Variants in CDH4 observed in about 807,000 individuals in gnomAD.
CDH4 encodes cadherin 4.
A neutral mutation model predicts 86.0 loss-of-function variants in CDH4; 33 were observed. The observed-to-expected ratio is 0.38, with a 90% CI of 0.29 to 0.51. The LOEUF (loss-of-function observed/expected upper bound fraction) is 0.51. CDH4 is among the 20% of genes least tolerant of loss of function. The probability of loss-of-function intolerance (pLI) is 0.86; values close to 1 mark genes in which losing one functional copy is unlikely to be tolerated. For synonymous variants in CDH4, 555 were observed against 549.4 expected, an observed-to-expected ratio of 1.01 and a Z score of -0.14; for missense variants, 1,114 against 1,307.4, an observed-to-expected ratio of 0.85 and a Z score of 2.28.
chr20:61,908,672 T>C (rs117562021), intron 8 of CDH4, among the ~76,000 whole-genome samples: 13,108 of 152,182 alleles, frequency 0.086, 769 homozygotes, highest in Non-Finnish European at 0.13. Flanking sequence ...GTGGTGGCCG[T>C]GGGACATCGC....
intron 3 of CDH4, among the ~76,000 whole-genome samples, chr20:61,765,374 G>A (rs200494662): frequency 7.2e-5 from 11 of 152,274 alleles, no homozygotes; most frequent in East Asian, 5.8e-4. Context: ...CTGTTCGACC[G>A]ATGGACCACC....
chr20:61,647,523 TA>T (rs1385257361), intron 2 of CDH4, among the ~76,000 whole-genome samples: 794 of 64,946 alleles, frequency 0.012, 127 homozygotes, highest in Admixed American at 0.022. Flanking sequence ...TGCACACACA[TA>T]TTCTCTCTCC....
At chr20:61,622,633 G>A (rs750922759) in intron 2 of CDH4, among the ~76,000 whole-genome samples, 20 of 152,238 alleles carry the variant, frequency 1.3e-4, no homozygotes, top group Admixed American at 7.9e-4. Flanking sequence ...AACAGAAAAC[G>A]TCAGTGACAG....
At chr20:61,378,083 A>C (rs763855601) in intron 2 of CDH4, among the ~76,000 whole-genome samples, 1 of 152,034 alleles carries the variant, frequency 6.6e-6, no homozygotes, top group East Asian at 1.9e-4. Flanking sequence ...CAAGACCCCC[A>C]TCTCTCTAAA....
chr20:61,319,630 A>G (rs1232894246), intron 2 of CDH4, among the ~76,000 whole-genome samples: 1 of 152,148 alleles, frequency 6.6e-6, no homozygotes, highest in Non-Finnish European at 1.5e-5. Flanking sequence ...TTCAAGGGAT[A>G]TAAAGTTTCA....
chr20:61,839,871 G>T (rs1311730217), intron 4 of CDH4, among the ~76,000 whole-genome samples: 1 of 151,398 alleles, frequency 6.6e-6, no homozygotes, highest in Non-Finnish European at 1.5e-5. Flanking sequence ...TGTGTATTGT[G>T]TGCTTGTGTG....
chr20:61,412,602 A>T (rs953033965), intron 2 of CDH4, among the ~76,000 whole-genome samples: 1 of 152,198 alleles, frequency 6.6e-6, no homozygotes, highest in African/African-American at 2.4e-5. Context: ...ATCCTGAGAC[A>T]TAGTTAGATC....
chr20:61,406,153 G>A (rs935368005), intron 2 of CDH4, among the ~76,000 whole-genome samples: 2 of 152,138 alleles, frequency 1.3e-5, no homozygotes, highest in African/African-American at 4.8e-5. Context: ...GATTTTTCAG[G>A]ATCCCGAAAG....
chr20:61,405,863 G>A (rs1295749051), intron 2 of CDH4, among the ~76,000 whole-genome samples: 1 of 152,106 alleles, frequency 6.6e-6, no homozygotes, highest in African/African-American at 2.4e-5. Flanking sequence ...TGTATTTTTA[G>A]TAGAGACGGG....
chr20:61,401,755 G>A (rs2085050715), intron 2 of CDH4, among the ~76,000 whole-genome samples: 2 of 152,298 alleles, frequency 1.3e-5, no homozygotes, highest in African/African-American at 4.8e-5. Context: ...TTTGGCCAGG[G>A]AGTAAATACA....
intron 3 of CDH4, among the ~76,000 whole-genome samples, chr20:61,756,236 T>C (rs1177255475): frequency 6.6e-6 from 1 of 151,982 alleles, no homozygotes; most frequent in Non-Finnish European, 1.5e-5. Flanking sequence ...GCACCTGAGC[T>C]CCTCTCAACC....
intron 4 of CDH4, among the ~76,000 whole-genome samples, chr20:61,839,276 G>A (rs1429725099): frequency 2.0e-5 from 3 of 152,150 alleles, no homozygotes; most frequent in African/African-American, 7.2e-5. Context: ...ATATCCCGCC[G>A]GGTGTGCATG....
chr20:61,720,985 G>A (rs1211651815), intron 2 of CDH4, among the ~76,000 whole-genome samples: 3 of 152,112 alleles, frequency 2.0e-5, no homozygotes, highest in Non-Finnish European at 2.9e-5. Flanking sequence ...CAGATCCGAC[G>A]TTCCGAGGGT....
intron 2 of CDH4, among the ~76,000 whole-genome samples, chr20:61,631,236 G>A (rs1235132943): frequency 6.6e-6 from 1 of 152,190 alleles, no homozygotes; most frequent in East Asian, 1.9e-4. Context: ...TTCCGTCTGT[G>A]TCCACTGTGC....
intron 2 of CDH4, among the ~76,000 whole-genome samples, chr20:61,617,700 A>G (rs2086736734): frequency 6.6e-6 from 1 of 152,182 alleles, no homozygotes. Flanking sequence ...AATCAGCTGG[A>G]ACCGGTCCAG....
rs1377437782 is a variant in CDH4 at position 61,377,602 on chromosome 20, C to A, written c.169+122665C>A. Among the ~76,000 whole-genome samples, 1 of 152,174 alleles carries A rather than the reference C, an allele frequency of 6.6e-6. No individual in the cohort carries two copies. The highest frequency in any genetic ancestry group is 2.4e-5 in the African/African-American group (1 of 41,448). On this transcript the variant is annotated intron_variant, in intron 2 of 15. Transcript: ENST00000614565. This position sits in a 1 kb window ranked among gnomAD's most constrained non-coding sequence, Gnocchi z 4.0. ...TTCTGTAGTCAACGAGTCGCTTTAG[C>A]TTTCAAACAACTGTAGTGTCTTTAA... is the stretch of plus-strand genomic sequence containing the variant.
intron 2 of CDH4, among the ~76,000 whole-genome samples, chr20:61,565,848 T>C (rs920369091): frequency 4.5e-4 from 68 of 152,190 alleles, no homozygotes; most frequent in Admixed American, 6.5e-4. Flanking sequence ...GCCTGGACGC[T>C]GTCATGAGGT....
chr20:61,469,991 T>C (rs1400872567), intron 2 of CDH4, among the ~76,000 whole-genome samples: 1 of 152,192 alleles, frequency 6.6e-6, no homozygotes, highest in Non-Finnish European at 1.5e-5. Context: ...AGTCAAGCAA[T>C]GTAATTCTTC....
chr20:61,834,080 G>A (rs915475825), intron 4 of CDH4, among the ~76,000 whole-genome samples: 2 of 152,232 alleles, frequency 1.3e-5, no homozygotes, highest in African/African-American at 4.8e-5. Flanking sequence ...CTGTCCTGGG[G>A]CCAGGTGGGA....
Sources: allele counts gnomAD v4.1 joint callset (sites outside exome capture counted in the v4.1 genomes callset), GRCh38; gene constraint gnomAD v4.1.1; non-coding constraint Gnocchi (gnomAD v3.1); transcripts MANE v1.5; gene names NCBI Gene and HGNC (gene_info 2026-07-23, HGNC 2026-07-21).